RBM27: variants seen among roughly 807,000 people sequenced by gnomAD.
RBM27 encodes the protein RNA binding motif protein 27.
RBM27 carries 22 observed loss-of-function variants against 135.3 expected under a neutral mutation model. The observed-to-expected ratio is 0.16, with a 90% CI of 0.12 to 0.23. RBM27 has a LOEUF of 0.23. RBM27 is among the 10% of genes least tolerant of loss of function. RBM27 has a pLI of 1.00. For synonymous variants in RBM27, 481 were observed against 442.4 expected, an observed-to-expected ratio of 1.09 and a Z score of -1.10; for missense variants, 1,009 against 1,281.0, an observed-to-expected ratio of 0.79 and a Z score of 3.24.
chr5:146,230,624 T>C (rs746419357), intron 5 of RBM27, 33 bp from the exon 6 acceptor site: 1 of 1,512,598 alleles, frequency 6.6e-7, no homozygotes, highest in Non-Finnish European at 9.1e-7. Context: ...TCTGATCTCT[T>C]TGTTTTCTGT....
chr5:146,205,933 C>T (rs962826126), intron 1 of RBM27, among the ~76,000 whole-genome samples: 9 of 152,034 alleles, frequency 5.9e-5, no homozygotes, highest in Non-Finnish European at 1.2e-4. Flanking sequence ...GCAGAAGAAT[C>T]GCTTGAATCC....
intron 1 of RBM27, among the ~76,000 whole-genome samples, chr5:146,212,700 A>G (rs1035607035): frequency 9.2e-5 from 14 of 151,644 alleles, no homozygotes; most frequent in African/African-American, 3.4e-4. Flanking sequence ...ATTATATTGT[A>G]TTATAGTATA....
chr5:146,264,072 C>A (rs1758510348), intron 14 of RBM27, among the ~76,000 whole-genome samples: 1 of 150,944 alleles, frequency 6.6e-6, no homozygotes, highest in Non-Finnish European at 1.5e-5. Flanking sequence ...TACCATTGCA[C>A]TGCAGCCTGG....
intron 1 of RBM27, among the ~76,000 whole-genome samples, chr5:146,206,407 CATAA>C (rs982192751): frequency 7.0e-6 from 1 of 142,936 alleles, no homozygotes; most frequent in Non-Finnish European, 1.5e-5. Context: ...TACTTAGACT[CATAA>C]GTATGATCAT....
chr5:146,260,831 A>G lies in RBM27; in HGVS notation c.1826A>G (p.Gln609Arg). 1 of 1,613,802 alleles carries G rather than the reference A, an allele frequency of 6.2e-7. No homozygotes were observed. The highest frequency in any genetic ancestry group is 8.5e-7 in the Non-Finnish European group (1 of 1,179,844). Reference sequence around the variant, plus strand: ...AAATTAGAAGTCAAGAAAATCCCTCAGGAATTGAACAACATTACCAAGCTC... The same window carrying G: ...AAATTAGAAGTCAAGAAAATCCCTCGGGAATTGAACAACATTACCAAGCTC... ...NTKLEVKKIP[Q>R]ELNNITKLNE... The change falls in exon 12 of 21, where the codon CAG (glutamine) becomes CGG (arginine). Residue 609 changes from glutamine to arginine, a missense_variant. This residue lies in a region of RBM27 where 34 missense variants were observed against 82.8 expected (regional missense o/e 0.41). Transcript: ENST00000265271.
At chr5:146,241,835 T>C (rs560865372) in intron 8 of RBM27, among the ~76,000 whole-genome samples, 1 of 152,360 alleles carries the variant, frequency 6.6e-6, no homozygotes, top group African/African-American at 2.4e-5. Context: ...GCTTGTTATT[T>C]TGCCAGGTTA....
At chr5:146,266,289 G>A (rs763954381) in intron 14 of RBM27, among the ~76,000 whole-genome samples, 5 of 152,194 alleles carry the variant, frequency 3.3e-5, no homozygotes, top group Admixed American at 6.5e-5. Context: ...CTGGATGAGT[G>A]ACCTGGTTTC....
At chr5:146,257,583 A>G (rs1472732624) in intron 10 of RBM27, among the ~76,000 whole-genome samples, 1 of 152,214 alleles carries the variant, frequency 6.6e-6, no homozygotes, top group Non-Finnish European at 1.5e-5. Context: ...TAATTGGTAG[A>G]CATTGTGAAA....
rs187721815 is a variant in RBM27, at chr5:146,242,224, C to T, written c.1279+4792C>T. On this transcript the variant is annotated intron_variant, in intron 8 of 20. Coordinates refer to ENST00000265271, the MANE Select transcript of RBM27 (RefSeq NM_018989.2). ...GGGTAGGATTGTAGGCATGAGCCAC[C>T]ATGCCTGACTTAATCTTTTAATATT... 2.5e-3 allele frequency among the ~76,000 whole-genome samples: 382 copies of T among 152,280 alleles called. 4 individuals are homozygous for T. The highest frequency in any genetic ancestry group is 8.9e-3 in the African/African-American group (368 of 41,556).
At chr5:146,269,347 T>A in intron 16 of RBM27, 66 bp downstream of exon 16, 1 of 1,480,706 alleles carries the variant, frequency 6.8e-7, no homozygotes, top group Middle Eastern at 1.8e-4. Flanking sequence ...AAAGTATTAT[T>A]CATAATTTTT....
intron 11 of RBM27, among the ~76,000 whole-genome samples, chr5:146,260,240 A>G (rs1758332392): frequency 6.6e-6 from 1 of 151,870 alleles, no homozygotes; most frequent in Non-Finnish European, 1.5e-5. Flanking sequence ...TGGAGGTTGC[A>G]GTGGGCCGAG....
chr5:146,229,637 G>A, intron 4 of RBM27, 80 bp from the exon 5 acceptor site: 1 of 1,195,514 alleles, frequency 8.4e-7, no homozygotes, highest in South Asian at 1.5e-5. Context: ...GATGACTCAA[G>A]AGTAGTATTT....
Position 146,258,157 on chromosome 5 carries a change from C to T in RBM27, c.1595-292C>T, listed in dbSNP as rs1758203089. Among the ~76,000 whole-genome samples, 3 of 152,110 alleles carry T rather than the reference C, an allele frequency of 2.0e-5. No individual in the cohort carries two copies. The South Asian group carries it at 6.2e-4, about 31-fold the overall frequency. On this transcript the variant is annotated intron_variant, in intron 10 of 20. Transcript: ENST00000265271. ...TGTAAATGTAATTTTTGGAGTGGTACTTTGGCACCATAAATATCTTGTTTT... is the reference window on the plus strand; with the variant it reads ...TGTAAATGTAATTTTTGGAGTGGTATTTTGGCACCATAAATATCTTGTTTT...
At chr5:146,215,086 A>C (rs142704549) in intron 1 of RBM27, among the ~76,000 whole-genome samples, 1 of 152,102 alleles carries the variant, frequency 6.6e-6, no homozygotes, top group Non-Finnish European at 1.5e-5. Flanking sequence ...GTCGCGCTCT[A>C]TCGCCCAGGC....
At chr5:146,208,123 AT>A (rs1424216505) in intron 1 of RBM27, among the ~76,000 whole-genome samples, 2 of 150,952 alleles carry the variant, frequency 1.3e-5, no homozygotes, top group Non-Finnish European at 2.9e-5. Flanking sequence ...CGCCCAGCTA[AT>A]TTTTGTATTT....
intron 1 of RBM27, among the ~76,000 whole-genome samples, chr5:146,217,903 G>A (rs765633898): frequency 6.6e-5 from 10 of 151,730 alleles, no homozygotes; most frequent in South Asian, 2.1e-4. Flanking sequence ...GATTACAGAC[G>A]TGCACCACCA....
chr5:146,229,937 A>C (rs1192431726), intron 5 of RBM27, 27 bp downstream of exon 5: 1 of 1,611,054 alleles, frequency 6.2e-7, no homozygotes. Flanking sequence ...CCCCCTAAAA[A>C]CTCTGTAGTT....
In RBM27 at chr5:146,267,630, T is replaced by C; in HGVS notation, c.2332-19T>C. The C allele has an allele frequency of 6.8e-7, 1 of 1,477,154 alleles. No individual in the cohort carries two copies. Among genetic ancestry groups the C allele is most frequent in the Non-Finnish European group, 9.2e-7 (1 of 1,082,542 alleles). The allele number at this position is 1,477,154 out of a possible 1,614,324, so 91.5% of individuals were successfully genotyped here. A position where few individuals can be genotyped will look rare whatever the true frequency, so the allele number is the denominator to read the frequency against. On this transcript the variant is annotated intron_variant, in intron 14 of 20. Transcript: ENST00000265271. Reference sequence around the variant, plus strand: ...ATAATTATATTTGTGTGTGCTTTTTTTTTTTCTTTATTTTTTAGATATTTT... The same window carrying C: ...ATAATTATATTTGTGTGTGCTTTTTCTTTTTCTTTATTTTTTAGATATTTT...
At chr5:146,279,306 G>A (rs528558496) in intron 19 of RBM27, among the ~76,000 whole-genome samples, 5 of 151,374 alleles carry the variant, frequency 3.3e-5, no homozygotes, top group Admixed American at 6.6e-5. Flanking sequence ...AAAATTAGCC[G>A]GGCATGGTGG....
Sources: gnomAD v4.1 joint callset for allele counts (sites outside exome capture counted in the v4.1 genomes callset) on GRCh38, gnomAD v4.1.1 for gene constraint, gnomAD v4.1.1 regional missense constraint, MANE v1.5 for transcripts, NCBI Gene and HGNC (gene_info 2026-07-23, HGNC 2026-07-21) for gene names.